Variants in MORC4 observed in about 807,000 individuals in gnomAD.
The protein encoded by MORC4 is MORC family CW-type zinc finger 4.
A neutral mutation model predicts 65.5 loss-of-function variants in MORC4; 22 were observed. The ratio of observed to expected loss-of-function variants is 0.34; its 90% CI spans 0.24 to 0.48. The LOEUF (loss-of-function observed/expected upper bound fraction) is 0.48, where lower values mean the gene tolerates loss of function less well. Among genes scored for constraint, MORC4 ranks in the 20% least tolerant of loss-of-function variants. The pLI, the probability that MORC4 is intolerant of heterozygous loss-of-function variation, is 0.99. For synonymous variants in MORC4, 267 were observed against 255.8 expected (o/e 1.04, Z -0.42); for missense variants, 624 against 703.0 (o/e 0.89, Z 1.27).
At chrX:106,994,756 G>T (rs957845718) in intron 2 of MORC4, among the ~76,000 whole-genome samples, 1 of 110,550 alleles carries the variant, frequency 9.0e-6, no homozygotes, top group African/African-American at 3.4e-5. Flanking sequence ...GGGATTAAGA[G>T]GCCTGGTATA....
chrX:106,982,322 T>A (rs1457472272), intron 5 of MORC4, among the ~76,000 whole-genome samples: 1 of 112,121 alleles, frequency 8.9e-6, no homozygotes, highest in African/African-American at 3.2e-5. Context: ...TTCTTAGCCC[T>A]CAGAGTCAAC....
At chrX:106,966,504 G>A (rs12156841) in intron 9 of MORC4, among the ~76,000 whole-genome samples, 4,369 of 112,717 alleles carry the variant, frequency 0.039, 80 homozygotes, top group Middle Eastern at 0.083. Flanking sequence ...GGAAACGCAA[G>A]AGGTCAGGGG....
At chrX:106,980,399 T>G (rs961081266) in intron 7 of MORC4, among the ~76,000 whole-genome samples, 1 of 111,078 alleles carries the variant, frequency 9.0e-6, no homozygotes, top group African/African-American at 3.3e-5. Flanking sequence ...CCTCCTAATT[T>G]CAATCAATGT....
chrX:106,967,369 C>A (rs971572620), intron 9 of MORC4, among the ~76,000 whole-genome samples: 1 of 112,112 alleles, frequency 8.9e-6, no homozygotes, highest in South Asian at 3.8e-4. Flanking sequence ...GAAACCAGAG[C>A]AGAAAGGCTG....
chrX:106,984,055 T>C (rs937770855), intron 5 of MORC4, among the ~76,000 whole-genome samples: 1 of 110,868 alleles, frequency 9.0e-6, no homozygotes, highest in Non-Finnish European at 1.9e-5. Context: ...GAGGCTGGGG[T>C]GGGTGGATCA....
Position 106,997,347 on chromosome X carries a change from T to C in MORC4, c.175+2330A>G, listed in dbSNP as rs757779457. ...CTCCTGTCATATAAATCCGTATCTC[T>C]CTCCTTCAATTGTATACACTGCTGC... On this transcript the variant is annotated intron_variant, in intron 2 of 16. Coordinates refer to ENST00000355610, the MANE Select transcript of MORC4 (RefSeq NM_024657.5). Among the ~76,000 whole-genome samples, 5 of 111,695 alleles carry C rather than the reference T, an allele frequency of 4.5e-5. No individual in the cohort carries two copies. The South Asian group carries it at 1.9e-3, about 42-fold the overall frequency.
intron 9 of MORC4, among the ~76,000 whole-genome samples, chrX:106,974,235 G>A (rs776262234): frequency 2.2e-4 from 24 of 111,577 alleles, no homozygotes; most frequent in African/African-American, 7.5e-4. Context: ...ATTGTCTATG[G>A]CTGCTTTCAT....
intron 9 of MORC4, among the ~76,000 whole-genome samples, chrX:106,963,892 C>CA (rs1299770926): frequency 1.0e-4 from 11 of 105,045 alleles, no homozygotes; most frequent in African/African-American, 2.1e-4. Flanking sequence ...ACAACAACAA[C>CA]AAAAAAAAAC....
chrX:106,966,893 G>A (rs1934387495), intron 9 of MORC4, among the ~76,000 whole-genome samples: 1 of 112,610 alleles, frequency 8.9e-6, no homozygotes, highest in Non-Finnish European at 1.9e-5. Context: ...TGAACAAAAG[G>A]CAGCAGACAG....
intron 3 of MORC4, among the ~76,000 whole-genome samples, chrX:106,989,516 A>C (rs1275756193): frequency 2.7e-5 from 3 of 112,136 alleles, no homozygotes; most frequent in Non-Finnish European, 5.6e-5. Context: ...CTGTAGGCTT[A>C]ATAAATTTGT....
At chrX:106,990,494 G>A (rs1175817307) in intron 3 of MORC4, among the ~76,000 whole-genome samples, 1 of 112,012 alleles carries the variant, frequency 8.9e-6, no homozygotes, top group African/African-American at 3.2e-5. Flanking sequence ...CTGGACTCAG[G>A]CAATCTGCCT....
chrX:106,995,983 A>C (rs186194439), intron 2 of MORC4, among the ~76,000 whole-genome samples: 2 of 111,947 alleles, frequency 1.8e-5, no homozygotes, highest in East Asian at 2.8e-4. Flanking sequence ...GACATCATTT[A>C]TACACTGAAA....
At chrX:106,988,997 T>C (rs1432330928) in intron 3 of MORC4, among the ~76,000 whole-genome samples, 1 of 112,382 alleles carries the variant, frequency 8.9e-6, no homozygotes, top group Admixed American at 9.4e-5. Flanking sequence ...GTAAAGACTC[T>C]GACCAATGAA....
At chrX:106,944,949 G>A (rs55997683) in intron 14 of MORC4, among the ~76,000 whole-genome samples, 15,606 of 110,908 alleles carry the variant, frequency 0.14, 1,114 homozygotes, top group South Asian at 0.23. Flanking sequence ...GCATTGCTTT[G>A]ATTATGCTAC....
At chrX:106,981,560 A>C in intron 5 of MORC4, 83 bp from the exon 6 acceptor site, 2 of 895,828 alleles carry the variant, frequency 2.2e-6, no homozygotes, top group Non-Finnish European at 1.5e-6. Flanking sequence ...AAAGAAAAAA[A>C]AACAATATGA....
intron 16 of MORC4, 109 bp downstream of exon 16, chrX:106,941,829 T>C (rs1489487331): frequency 1.1e-6 from 1 of 903,929 alleles, no homozygotes; most frequent in Non-Finnish European, 1.5e-6. Flanking sequence ...CAATTCTTGG[T>C]GGCCTGTGAA....
At chrX:106,956,578 C>T in intron 12 of MORC4, 44 bp from the exon 13 acceptor site, 1 of 1,038,248 alleles carries the variant, frequency 9.6e-7, no homozygotes, top group Non-Finnish European at 1.4e-6. Flanking sequence ...CATGAAACTT[C>T]TCAGTTTGAA....
At chrX:106,947,591 AAT>A (rs1555982181) in intron 14 of MORC4, among the ~76,000 whole-genome samples, 183 of 83,112 alleles carry the variant, frequency 2.2e-3, no homozygotes, top group African/African-American at 8.7e-3. Flanking sequence ...ATATATATAT[AAT>A]ATATATATAT....
In MORC4 at chrX:106,941,591, T is replaced by A; in HGVS notation, c.2702A>T (p.Tyr901Phe). ...KLTRLRIHVS[Y>F]LLTSVLPHLE... ...GTGAGGGAGGACAGAAGTAAGGAGATAGCTGACGTGGATACGTAGCCGCGT... is the reference window on the plus strand; with the variant it reads ...GTGAGGGAGGACAGAAGTAAGGAGAAAGCTGACGTGGATACGTAGCCGCGT... Residue 901 changes from tyrosine (Y) to phenylalanine (F), a missense_variant, in exon 17 of 17, where the codon TAT becomes TTT. Transcript: ENST00000355610. 1 of 1,210,427 alleles carries A rather than the reference T, an allele frequency of 8.3e-7. No homozygotes were observed.
Sources: allele counts gnomAD v4.1 joint callset (sites outside exome capture counted in the v4.1 genomes callset), GRCh38; gene constraint gnomAD v4.1.1; transcripts MANE v1.5; gene names NCBI Gene and HGNC (gene_info 2026-07-23, HGNC 2026-07-21).